Variants in FAM184A observed in about 807,000 individuals in gnomAD.
The protein encoded by FAM184A is protein FAM184A.
A neutral mutation model predicts 143.8 loss-of-function variants in FAM184A; 99 were observed. The observed-to-expected ratio is 0.69, with a 90% confidence interval of 0.58 to 0.81. The LOEUF (loss-of-function observed/expected upper bound fraction) is 0.81, where lower values mean the gene tolerates loss of function less well. FAM184A is among the 40% of genes least tolerant of loss of function. The pLI is 0.00. For missense variants in FAM184A, 1,217 were observed against 1,310.5 expected (o/e 0.93, Z 1.10); for synonymous variants, 427 against 446.4 (o/e 0.96, Z 0.55).
At chr6:118,997,618 G>A (rs1172881186) in intron 9 of FAM184A, among the ~76,000 whole-genome samples, 1 of 151,880 alleles carries the variant, frequency 6.6e-6, no homozygotes, top group Non-Finnish European at 1.5e-5. Flanking sequence ...AACCCAGGAG[G>A]TGGAGGTTGC....
chr6:118,997,950 C>G (rs963413401), intron 9 of FAM184A, among the ~76,000 whole-genome samples: 1 of 152,158 alleles, frequency 6.6e-6, no homozygotes, highest in Admixed American at 6.5e-5. Context: ...CTGAAACTGG[C>G]TTTTCAACTG....
At chr6:119,091,103 T>C (rs557333054) in intron 1 of FAM184A, among the ~76,000 whole-genome samples, 2 of 152,356 alleles carry the variant, frequency 1.3e-5, no homozygotes, top group South Asian at 4.1e-4. Flanking sequence ...CTACAGGTCC[T>C]GTGAGATTCT....
chr6:119,020,059 A>C lies in FAM184A; in HGVS notation c.1251T>G (p.Leu417=). Residue 417 remains leucine (L), a synonymous_variant, in exon 4 of 18, where the codon CTT becomes CTG. Coordinates refer to ENST00000338891, the MANE Select transcript of FAM184A (RefSeq NM_024581.6). ...TTCGCAAAAAAGCTCTTTCCTCTTC[A>C]AGTTGAGATAATCTCTCATTGACTC... ...KSRVNERLSQ[L]EEERAFLRSK... The C allele has an allele frequency of 1.2e-6, 2 of 1,608,398 alleles. No individual in the cohort carries two copies. The highest frequency in any genetic ancestry group is 1.7e-6 in the Non-Finnish European group (2 of 1,178,266).
chr6:119,140,802 C>A (rs960906630), intron 1 of FAM184A, among the ~76,000 whole-genome samples: 1 of 152,176 alleles, frequency 6.6e-6, no homozygotes, highest in Non-Finnish European at 1.5e-5. Flanking sequence ...GGTATGAGAA[C>A]CCTGCTAGGA....
rs766956488 is a variant in FAM184A at position 118,975,041 on chromosome 6, T to G, written c.2751A>C (p.Glu917Asp). The change falls in exon 13 of 18, where the codon GAA (glutamate) becomes GAC (aspartate). Residue 917 changes from glutamate to aspartate, a missense_variant. Glu to Asp is a conservative substitution (Grantham distance 45, BLOSUM62 2). Transcript: ENST00000338891. Reference protein sequence around the residue: ...KGKEILRIRSESNQQIRLHEQ... With the variant: ...KGKEILRIRSDSNQQIRLHEQ... ...TGGCATACCTTATCTGTTGGTTAGA[T>G]TCACTTCGTATTCTGAGAATTTCTT... 4 of 1,612,690 alleles carry G rather than the reference T, an allele frequency of 2.5e-6. No individual in the cohort carries two copies. In the African/African-American group the frequency reaches 5.3e-5, roughly 22 times the overall value.
At chr6:118,979,942 C>G (rs1029553523) in intron 10 of FAM184A, among the ~76,000 whole-genome samples, 196 bp downstream of exon 10, 2 of 151,756 alleles carry the variant, frequency 1.3e-5, no homozygotes, top group Non-Finnish European at 2.9e-5. Flanking sequence ...CCCAGCTATT[C>G]AGGAGGCTGA....
intron 1 of FAM184A, among the ~76,000 whole-genome samples, chr6:119,107,935 CAT>C (rs773603658): frequency 2.6e-5 from 4 of 152,064 alleles, no homozygotes; most frequent in Non-Finnish European, 4.4e-5. Flanking sequence ...AAATTTAAGA[CAT>C]ATTTATTAGG....
intron 9 of FAM184A, among the ~76,000 whole-genome samples, chr6:118,984,518 AT>A (rs1784130017): frequency 7.7e-6 from 1 of 129,716 alleles, no homozygotes. Context: ...CTGTACCTCT[AT>A]AATGGTGTTT....
chr6:119,052,015 G>T (rs1365297263), intron 1 of FAM184A, among the ~76,000 whole-genome samples: 1 of 152,120 alleles, frequency 6.6e-6, no homozygotes, highest in South Asian at 2.1e-4. Flanking sequence ...GTCCTGAGCT[G>T]GGGTGCAGAC....
chr6:119,007,798 G>A (rs376973309), intron 6 of FAM184A, among the ~76,000 whole-genome samples: 22 of 152,042 alleles, frequency 1.4e-4, no homozygotes, highest in African/African-American at 4.3e-4. Flanking sequence ...AAAAGTAGCC[G>A]GGTGTGGTGG....
At chr6:119,092,836 C>G (rs973890789) in intron 1 of FAM184A, among the ~76,000 whole-genome samples, 2 of 152,118 alleles carry the variant, frequency 1.3e-5, no homozygotes, top group African/African-American at 4.8e-5. Flanking sequence ...CTGATCCTAG[C>G]CTACTGCTCA....
chr6:119,076,193 A>G (rs546816059), intron 1 of FAM184A, among the ~76,000 whole-genome samples: 9 of 152,368 alleles, frequency 5.9e-5, no homozygotes, highest in African/African-American at 2.2e-4. Flanking sequence ...TGCACAGGAT[A>G]TCCCACAATC....
chr6:119,060,400 G>A (rs1191201176), intron 1 of FAM184A, among the ~76,000 whole-genome samples: 1 of 152,180 alleles, frequency 6.6e-6, no homozygotes, highest in Non-Finnish European at 1.5e-5. Context: ...GTACTGGCAA[G>A]ACAGTGGCTA....
At chr6:119,000,131 A>G (rs1430778802) in intron 9 of FAM184A, among the ~76,000 whole-genome samples, 2 of 152,190 alleles carry the variant, frequency 1.3e-5, no homozygotes, top group East Asian at 1.9e-4. Flanking sequence ...TTTCAGTCCA[A>G]TGCTTTAAGG....
At chr6:119,032,628 G>A (rs147735988) in intron 1 of FAM184A, among the ~76,000 whole-genome samples, 204 of 146,698 alleles carry the variant, frequency 1.4e-3, no homozygotes, top group Middle Eastern at 3.5e-3. Context: ...GGGGGAGGAG[G>A]AGGAGGAAGG....
At chr6:119,061,839 A>C (rs1197633239) in intron 1 of FAM184A, among the ~76,000 whole-genome samples, 1 of 152,128 alleles carries the variant, frequency 6.6e-6, no homozygotes, top group Admixed American at 6.5e-5. Context: ...CCCTGATCTG[A>C]TCACTAAACA....
chr6:119,031,162 T>A (rs1319043786), intron 1 of FAM184A, among the ~76,000 whole-genome samples: 2 of 152,210 alleles, frequency 1.3e-5, no homozygotes, highest in African/African-American at 2.4e-5. Flanking sequence ...AGGTTTAACA[T>A]GATACTTAGG....
intron 1 of FAM184A, among the ~76,000 whole-genome samples, chr6:119,088,317 A>G (rs530084060): frequency 1.3e-5 from 2 of 152,354 alleles, no homozygotes; most frequent in African/African-American, 4.8e-5. Flanking sequence ...TGGGAAGTGC[A>G]TTCCAGTGAA....
At chr6:119,006,315 C>G (rs982746394) in intron 7 of FAM184A, 132 bp downstream of exon 7, 1 of 915,116 alleles carries the variant, frequency 1.1e-6, no homozygotes, top group Non-Finnish European at 1.7e-6. Context: ...GTTTGTAGTA[C>G]TTTGTTATGG....
Sources: allele counts gnomAD v4.1 joint callset (sites outside exome capture counted in the v4.1 genomes callset), GRCh38; gene constraint gnomAD v4.1.1; transcripts MANE v1.5; gene names NCBI Gene and HGNC (gene_info 2026-07-23, HGNC 2026-07-21).